Variants in SLC22A24 observed in about 807,000 individuals in gnomAD.
The protein encoded by SLC22A24 is steroid transmembrane transporter SLC22A24.
A neutral mutation model predicts 49.8 loss-of-function variants in SLC22A24; 53 were observed. The observed-to-expected ratio is 1.06, with a 90% CI of 0.85 to 1.34. SLC22A24 has a LOEUF of 1.34. Among genes scored for constraint, SLC22A24 ranks in the 40% most tolerant of loss-of-function variants. SLC22A24 has a pLI of 0.00. For synonymous variants in SLC22A24, 302 were observed against 256.4 expected, an observed-to-expected ratio of 1.18 and a Z score of -1.70; for missense variants, 786 against 675.9, an observed-to-expected ratio of 1.16 and a Z score of -1.81.
intron 4 of SLC22A24, among the ~76,000 whole-genome samples, chr11:63,107,009 C>T (rs537104757): frequency 1.3e-5 from 2 of 152,244 alleles, no homozygotes; most frequent in East Asian, 3.9e-4. Context: ...CTTGCCCATG[C>T]CTATGACCTG....
intron 2 of SLC22A24, among the ~76,000 whole-genome samples, chr11:63,133,560 C>T (rs78736609): frequency 0.018 from 2,720 of 152,278 alleles, 88 homozygotes; most frequent in African/African-American, 0.062. Context: ...GGTTGAGTGC[C>T]TCCTTCAGAA....
chr11:63,135,127 A>G (rs1342342669), intron 1 of SLC22A24, among the ~76,000 whole-genome samples: 1 of 152,176 alleles, frequency 6.6e-6, no homozygotes, highest in Admixed American at 6.5e-5. Context: ...ACAATTAAAG[A>G]CTTCAGGTAC....
intron 6 of SLC22A24, among the ~76,000 whole-genome samples, chr11:63,090,080 C>CAAAAAAAAAAA (rs60285946): frequency 2.3e-4 from 15 of 64,692 alleles, no homozygotes; most frequent in East Asian, 5.3e-4. Context: ...GACTCTGTCT[C>CAAAAAAAAAAA]AAAAAAAAAA....
chr11:63,087,024 G>GCGCGCGCACACACACACACA (rs376936925), intron 6 of SLC22A24, among the ~76,000 whole-genome samples: 1 of 132,556 alleles, frequency 7.5e-6, no homozygotes. Context: ...CCTGGAGGGC[G>GCGCGCGCACACACACACACA]CACACACACA....
chr11:63,122,772 G>A (rs1015037052), intron 2 of SLC22A24, among the ~76,000 whole-genome samples: 5 of 151,972 alleles, frequency 3.3e-5, no homozygotes, highest in East Asian at 1.9e-4. Flanking sequence ...CGCTAGCCTC[G>A]GCCTCCCAAA....
chr11:63,141,158 T>A (rs1402696937), intron 1 of SLC22A24, among the ~76,000 whole-genome samples: 1 of 152,222 alleles, frequency 6.6e-6, no homozygotes, highest in African/African-American at 2.4e-5. Flanking sequence ...ATGGTCAAAC[T>A]AATTAAAACT....
Position 63,095,371 on chromosome 11 carries a change from A to G in SLC22A24, c.1070+620T>C, listed in dbSNP as rs554892437. On this transcript the variant is annotated intron_variant, in intron 6 of 9. Coordinates refer to ENST00000612278, the MANE Select transcript of SLC22A24 (RefSeq NM_001136506.2). ...CAGATAACTTATGGAATATTCATATAAGAGAAAATGACCTACAATTAATTA... is the reference window on the plus strand; with the variant it reads ...CAGATAACTTATGGAATATTCATATGAGAGAAAATGACCTACAATTAATTA... Among the ~76,000 whole-genome samples the G allele has an allele frequency of 5.7e-4, 87 of 152,314 alleles. 1 individual carries two copies. The highest frequency in any genetic ancestry group is 2.0e-3 in the African/African-American group (84 of 41,580).
intron 8 of SLC22A24, 139 bp downstream of exon 8, chr11:63,081,419 A>G (rs760411435): frequency 4.4e-6 from 3 of 679,572 alleles, no homozygotes; most frequent in Admixed American, 2.6e-5. Flanking sequence ...TAGCACATAT[A>G]TGGCTCTCAG....
intron 6 of SLC22A24, among the ~76,000 whole-genome samples, chr11:63,085,351 T>TCCGAGCAG (rs2086981355): frequency 6.6e-6 from 1 of 152,192 alleles, no homozygotes; most frequent in African/African-American, 2.4e-5. Flanking sequence ...AAGGCCTCCA[T>TCCGAGCAG]TATCTTGGTC....
At position 63,143,817 on chromosome 11, in the gene SLC22A24, G is replaced by T; in HGVS notation, c.-38C>A. ...GGTGATCCCCAAGAGGAAGCACAAT[G>T]ACTTTATGAAGAGAAGTTCAGAGGG... On this transcript the variant is annotated 5_prime_UTR_variant, in exon 1 of 10. Coordinates refer to ENST00000612278, the MANE Select transcript of SLC22A24 (RefSeq NM_001136506.2). 1 of 1,325,064 alleles carries T rather than the reference G, an allele frequency of 7.5e-7. No individual in the cohort carries two copies. The highest frequency in any genetic ancestry group is 2.3e-5 in the South Asian group (1 of 42,948). The allele number at this position is 1,325,064 out of a possible 1,614,324, so 82.1% of individuals were successfully genotyped here.
At chr11:63,138,922 GT>G (rs1268899277) in intron 1 of SLC22A24, among the ~76,000 whole-genome samples, 1 of 152,064 alleles carries the variant, frequency 6.6e-6, no homozygotes, top group East Asian at 1.9e-4. Context: ...TCTAAATCTT[GT>G]AAAAACAAAC....
chr11:63,142,382 G>A (rs528813154), intron 1 of SLC22A24, among the ~76,000 whole-genome samples: 56 of 152,152 alleles, frequency 3.7e-4, no homozygotes, highest in Non-Finnish European at 5.7e-4. Flanking sequence ...GACTGAGACC[G>A]TGAAAGAGAT....
intron 4 of SLC22A24, chr11:63,116,317 T>A (rs1161216796): frequency 4.4e-6 from 1 of 225,526 alleles, no homozygotes; most frequent in Admixed American, 5.2e-5. Flanking sequence ...TTGTGTTTGG[T>A]ATGGTTCTTG....
At chr11:63,126,793 A>G (rs956338689) in intron 2 of SLC22A24, among the ~76,000 whole-genome samples, 1 of 152,146 alleles carries the variant, frequency 6.6e-6, no homozygotes, top group Non-Finnish European at 1.5e-5. Context: ...ATCCATGAGC[A>G]TGGAATGTTT....
At chr11:63,109,691 G>A (rs1027386912) in intron 4 of SLC22A24, among the ~76,000 whole-genome samples, 58 of 152,182 alleles carry the variant, frequency 3.8e-4, no homozygotes, top group African/African-American at 1.4e-3. Flanking sequence ...TTTTGATGGG[G>A]TTGTTTGCTT....
intron 4 of SLC22A24, among the ~76,000 whole-genome samples, chr11:63,111,446 C>A (rs1159310731): frequency 6.6e-6 from 1 of 151,844 alleles, no homozygotes; most frequent in Non-Finnish European, 1.5e-5. Context: ...CCTTGTACCT[C>A]TGGTAGAATT....
intron 1 of SLC22A24, among the ~76,000 whole-genome samples, chr11:63,139,196 C>A (rs983872918): frequency 4.6e-5 from 7 of 151,678 alleles, no homozygotes; most frequent in Non-Finnish European, 8.8e-5. Context: ...TTTGTCTTGC[C>A]ACTCTTAATG....
At chr11:63,094,007 A>T (rs2087036647) in intron 6 of SLC22A24, among the ~76,000 whole-genome samples, 1 of 151,848 alleles carries the variant, frequency 6.6e-6, no homozygotes, top group African/African-American at 2.4e-5. Context: ...TGTTATTATT[A>T]TACTTTAAGT....
intron 6 of SLC22A24, among the ~76,000 whole-genome samples, chr11:63,090,468 C>G (rs887982084): frequency 1.3e-5 from 2 of 151,972 alleles, no homozygotes; most frequent in Non-Finnish European, 2.9e-5. Flanking sequence ...GTAAAACATT[C>G]CTCAGCAAAT....
Sources: gnomAD v4.1 joint callset for allele counts (sites outside exome capture counted in the v4.1 genomes callset) on GRCh38, gnomAD v4.1.1 for gene constraint, MANE v1.5 for transcripts, NCBI Gene and HGNC (gene_info 2026-07-23, HGNC 2026-07-21) for gene names.